Variants in HLF observed in about 807,000 individuals in gnomAD.
HLF encodes HLF transcription factor, PAR bZIP family member.
Under a neutral mutation model 22.6 loss-of-function variants are expected in HLF, and 3 were observed. The observed-to-expected ratio is 0.13, with a 90% CI of 0.06 to 0.34. HLF has a LOEUF of 0.34. Among genes scored for constraint, HLF ranks in the 10% least tolerant of loss-of-function variants. The pLI is 1.00. For missense variants in HLF, 299 were observed against 389.2 expected (o/e 0.77, Z 1.95); for synonymous variants, 151 against 151.8 (o/e 0.99, Z 0.04).
In HLF at chr17:55,265,508, C is replaced by T. The variant is rs1205983498; in HGVS notation, c.24C>T (p.Leu8=). The T allele has an allele frequency of 1.9e-6, 3 of 1,607,466 alleles. No individual in the cohort carries two copies. Among genetic ancestry groups the T allele is most frequent in the Admixed American group, 1.7e-5 (1 of 59,696 alleles). Residue 8 remains leucine (L), a synonymous_variant, in exon 1 of 4, where the codon CTC becomes CTT. Coordinates refer to ENST00000226067, the MANE Select transcript of HLF (RefSeq NM_002126.5). ...CGATGGAGAAAATGTCCCGACCGCTCCCCCTGAATCCCACCTTTATCCCGC... is the reference window on the plus strand; with the variant it reads ...CGATGGAGAAAATGTCCCGACCGCTTCCCCTGAATCCCACCTTTATCCCGC... MEKMSRP[L]PLNPTFIPPP...
chr17:55,301,467 A>T (rs2081156815), intron 2 of HLF, among the ~76,000 whole-genome samples: 2 of 152,240 alleles, frequency 1.3e-5, no homozygotes, highest in African/African-American at 2.4e-5. Flanking sequence ...TTAATCTGAT[A>T]AAAAAATTAT....
chr17:55,286,992 C>A (rs978913172), intron 2 of HLF, among the ~76,000 whole-genome samples: 1 of 152,154 alleles, frequency 6.6e-6, no homozygotes, highest in Admixed American at 6.5e-5. Flanking sequence ...AAACCCATTC[C>A]ACCTGTCTCA....
intron 2 of HLF, among the ~76,000 whole-genome samples, chr17:55,293,720 C>T (rs567937893): frequency 6.6e-6 from 1 of 152,250 alleles, no homozygotes; most frequent in Admixed American, 6.5e-5. Context: ...AACATGAAGC[C>T]ACAGTCTGGC....
intron 2 of HLF, among the ~76,000 whole-genome samples, chr17:55,286,306 C>T (rs1240842342): frequency 2.6e-5 from 4 of 151,752 alleles, no homozygotes; most frequent in Non-Finnish European, 5.9e-5. Flanking sequence ...CACCCTTGTA[C>T]TTTACCTCTC....
intron 2 of HLF, among the ~76,000 whole-genome samples, chr17:55,299,953 C>G (rs1372746017): frequency 1.3e-5 from 2 of 152,178 alleles, no homozygotes; most frequent in Non-Finnish European, 2.9e-5. Context: ...CCACCTCAGT[C>G]TCCCAAGTAG....
chr17:55,320,098 T>C lies in HLF; in HGVS notation c.673-566T>C, dbSNP rs932270285. ...ATCTCCTATGCATAGTTTTTCCTCA[T>C]TTTTTCTACTGCACATAATGCTGCA... On this transcript the variant is annotated intron_variant, in intron 3 of 3. Transcript: ENST00000226067. The surrounding 1 kb of genome is among the most constrained non-coding windows in gnomAD (Gnocchi z 4.2). Among the ~76,000 whole-genome samples the C allele has an allele frequency of 3.3e-5, 5 of 152,204 alleles. 1 individual carries two copies. Among genetic ancestry groups the C allele is most frequent in the African/African-American group, 1.2e-4 (5 of 41,454 alleles).
At position 55,309,094 on chromosome 17, in the gene HLF, G is replaced by T. The variant is rs548782277; in HGVS notation, c.452-6133G>T. On this transcript the variant is annotated intron_variant, in intron 2 of 3. Transcript: ENST00000226067. ...TCAGAGACCAGCCCAGATGCAAGAG[G>T]TAGGGAAATAGGCTCTGCCTGGAAG... 4.6e-5 allele frequency among the ~76,000 whole-genome samples: 7 copies of T among 152,352 alleles called. No homozygotes were observed. In the East Asian group the frequency reaches 1.2e-3, roughly 25 times the overall value.
In HLF at chr17:55,321,681, T is replaced by G. The variant is rs1244715287; in HGVS notation, c.*802T>G. 4.4e-6 allele frequency: 1 copy of G among 228,700 alleles called. No individual in the cohort carries two copies. The highest frequency in any genetic ancestry group is 6.3e-5 in the East Asian group (1 of 15,888). The allele number at this position is 228,700 out of a possible 1,614,324, so 14.2% of individuals were successfully genotyped here. On this transcript the variant is annotated 3_prime_UTR_variant, in exon 4 of 4. Coordinates refer to ENST00000226067, the MANE Select transcript of HLF (RefSeq NM_002126.5). ...TAGGATATTTTCCCTACCTAAGAATTTCACTGTCTTTTAAAAAACAAAAAG... is the reference window on the plus strand; with the variant it reads ...TAGGATATTTTCCCTACCTAAGAATGTCACTGTCTTTTAAAAAACAAAAAG...
At chr17:55,270,423 A>G (rs1356763788) in intron 2 of HLF, among the ~76,000 whole-genome samples, 1 of 152,192 alleles carries the variant, frequency 6.6e-6, no homozygotes, top group Non-Finnish European at 1.5e-5. Flanking sequence ...AAATTCTAAG[A>G]GATGTTGGCC....
chr17:55,299,722 G>A (rs76438190), intron 2 of HLF, among the ~76,000 whole-genome samples: 1,887 of 148,930 alleles, frequency 0.013, 17 homozygotes, highest in Middle Eastern at 0.045. Context: ...CTACAAGCAC[G>A]TGCCACCATG....
chr17:55,268,750 T>C (rs1247683337), intron 2 of HLF, among the ~76,000 whole-genome samples: 1 of 150,362 alleles, frequency 6.7e-6, no homozygotes, highest in Non-Finnish European at 1.5e-5. Flanking sequence ...TTTTTTTTTT[T>C]CATTTTCATC....
At position 55,315,240 on chromosome 17, in the gene HLF, A is replaced by C. The variant is rs886449160; in HGVS notation, c.465A>C (p.Pro155=). The stretch of plus-strand genomic sequence containing the variant: ...GTGTTGTTCCAGGTCAGCTGTTGCC[A>C]GCAAACCGCAATACACCAAGTCCCA... ...QSPIRPGQLL[P]ANRNTPSPID... is the part of the protein sequence containing the mutation. Residue 155 remains proline (P), a synonymous_variant, in exon 3 of 4, where the codon CCA becomes CCC. Coordinates refer to ENST00000226067, the MANE Select transcript of HLF (RefSeq NM_002126.5). The C allele has an allele frequency of 1.2e-6, 2 of 1,614,008 alleles. No homozygotes were observed. Among genetic ancestry groups the C allele is most frequent in the Admixed American group, 1.7e-5 (1 of 60,004 alleles).
intron 2 of HLF, among the ~76,000 whole-genome samples, chr17:55,285,516 T>G (rs1567816059): frequency 6.6e-6 from 1 of 152,226 alleles, no homozygotes; most frequent in Non-Finnish European, 1.5e-5. Context: ...GCAGCTGCAG[T>G]CCCTTTTCAG....
At chr17:55,302,691 A>G (rs964822131) in intron 2 of HLF, among the ~76,000 whole-genome samples, 1 of 152,242 alleles carries the variant, frequency 6.6e-6, no homozygotes, top group African/African-American at 2.4e-5. Context: ...ATAACTAGCC[A>G]TGGCAGCTCT....
In HLF at chr17:55,324,806, T is replaced by TGC. The variant is rs1567830154; in HGVS notation, c.*3928_*3929insCG. On this transcript the variant is annotated 3_prime_UTR_variant, in exon 4 of 4. Transcript: ENST00000226067. ...AAGTGTAAGAGTGTGTGTGTGTGTG[T>TGC]GTGCGTGCATGTGTGTGTGTGTGTA... 2 of 229,170 alleles carry TGC rather than the reference T, an allele frequency of 8.7e-6. No homozygotes were observed. Among genetic ancestry groups the TGC allele is most frequent in the African/African-American group, 2.2e-5 (1 of 45,026 alleles). The allele number at this position is 229,170 out of a possible 1,614,324, so 14.2% of individuals were successfully genotyped here.
In HLF at chr17:55,312,558, T is replaced by G. The variant is rs148010815; in HGVS notation, c.452-2669T>G. 5.7e-3 allele frequency among the ~76,000 whole-genome samples: 866 copies of G among 152,330 alleles called. 5 individuals are homozygous for G. The highest frequency in any genetic ancestry group is 0.02 in the African/African-American group (822 of 41,564). ...TTGTACTAACATTGGAAATTGCATA[T>G]GGTATATTGATAGATTAAAAAAGTA... is the stretch of plus-strand genomic sequence containing the variant. On this transcript the variant is annotated intron_variant, in intron 2 of 3. Coordinates refer to ENST00000226067, the MANE Select transcript of HLF (RefSeq NM_002126.5).
At chr17:55,271,262 G>A (rs1027861719) in intron 2 of HLF, among the ~76,000 whole-genome samples, 7 of 152,246 alleles carry the variant, frequency 4.6e-5, no homozygotes, top group African/African-American at 1.7e-4. Flanking sequence ...ATATTAATAA[G>A]AGCATAATTA....
intron 2 of HLF, among the ~76,000 whole-genome samples, chr17:55,276,130 A>G (rs377061093): frequency 2.0e-5 from 3 of 152,164 alleles, no homozygotes; most frequent in East Asian, 3.9e-4. Context: ...TTAAAGAGAA[A>G]GCAACAGAGG....
intron 2 of HLF, chr17:55,272,897 C>A (rs2080871075): frequency 6.6e-6 from 1 of 152,328 alleles, no homozygotes; most frequent in Non-Finnish European, 1.5e-5. Context: ...CCCGGTGTCT[C>A]AAGCATCTTG....
Sources: allele counts gnomAD v4.1 joint callset (sites outside exome capture counted in the v4.1 genomes callset), GRCh38; gene constraint gnomAD v4.1.1; non-coding constraint Gnocchi (gnomAD v3.1); transcripts MANE v1.5; gene names NCBI Gene and HGNC (gene_info 2026-07-23, HGNC 2026-07-21).